Variants in JMJD1C observed in about 807,000 individuals in gnomAD.
The protein encoded by JMJD1C is jumonji domain-containing protein 1C.
A neutral mutation model predicts 245.3 loss-of-function variants in JMJD1C; 31 were observed. That is an observed-to-expected ratio of 0.13 (90% CI 0.09 to 0.17). JMJD1C has a LOEUF of 0.17. JMJD1C is among the 10% of genes least tolerant of loss of function. The probability of loss-of-function intolerance (pLI) is 1.00; values close to 1 mark genes in which losing one functional copy is unlikely to be tolerated. For synonymous variants in JMJD1C, 1,057 were observed against 1,017.4 expected (o/e 1.04, Z -0.74); for missense variants, 2,691 against 3,000.2 (o/e 0.90, Z 2.41).
intron 1 of JMJD1C, among the ~76,000 whole-genome samples, chr10:63,390,330 A>G (rs1947955995): frequency 6.6e-6 from 1 of 152,184 alleles, no homozygotes; most frequent in Non-Finnish European, 1.5e-5. Flanking sequence ...TTGAATCAGG[A>G]AGAAATAGAA....
chr10:63,268,314 G>A (rs1396255318), intron 2 of JMJD1C, among the ~76,000 whole-genome samples: 1 of 148,388 alleles, frequency 6.7e-6, no homozygotes, highest in African/African-American at 2.5e-5. Context: ...TGAAAAACAC[G>A]ATACTGTTAG....
At chr10:63,407,697 T>C (rs1215814110) in intron 1 of JMJD1C, among the ~76,000 whole-genome samples, 3 of 134,100 alleles carry the variant, frequency 2.2e-5, no homozygotes, top group South Asian at 2.3e-4. Context: ...AGGAAGAAAA[T>C]AGACCAAAGA....
At chr10:63,500,746 A>AGGATGGATGAATGGATGGATGGATGGAT in intron 1 of JMJD1C, among the ~76,000 whole-genome samples, 1 of 112,068 alleles carries the variant, frequency 8.9e-6, no homozygotes, top group Non-Finnish European at 2.1e-5. Flanking sequence ...GATGGATGGA[A>AGGATGGATGAATGGATGGATGGATGGAT]GGATGGATGG....
At chr10:63,375,535 CGTGTGTGTGT>C (rs1206144769) in intron 2 of JMJD1C, among the ~76,000 whole-genome samples, 2 of 147,370 alleles carry the variant, frequency 1.4e-5, no homozygotes, top group Non-Finnish European at 3.0e-5. Context: ...AATATTTACA[CGTGTGTGTGT>C]GTGTGTGTGT....
At chr10:63,305,459 C>CACTCTCTCTCTCTCTCTCTCTCTCTCT (rs1937978126) in intron 2 of JMJD1C, among the ~76,000 whole-genome samples, 1 of 113,022 alleles carries the variant, frequency 8.8e-6, no homozygotes, top group Non-Finnish European at 1.8e-5. Context: ...ACGCTCTGAC[C>CACTCTCTCTCTCTCTCTCTCTCTCTCT]CTCTCTCTCT....
At chr10:63,431,048 A>G (rs930452672) in intron 1 of JMJD1C, among the ~76,000 whole-genome samples, 5 of 152,214 alleles carry the variant, frequency 3.3e-5, no homozygotes, top group African/African-American at 1.2e-4. Flanking sequence ...AAAAGTGACA[A>G]TGGCTTAACA....
At chr10:63,321,711 T>C (rs796982037) in intron 2 of JMJD1C, among the ~76,000 whole-genome samples, 3 of 152,352 alleles carry the variant, frequency 2.0e-5, no homozygotes, top group African/African-American at 4.8e-5. Flanking sequence ...CTATCCTGAA[T>C]TGACTCCTCA....
chr10:63,234,174 C>T (rs1434803662), intron 3 of JMJD1C, among the ~76,000 whole-genome samples: 1 of 150,350 alleles, frequency 6.7e-6, no homozygotes, highest in Non-Finnish European at 1.5e-5. Flanking sequence ...TCCAGAGTTA[C>T]GAGAAGTCTA....
intron 3 of JMJD1C, among the ~76,000 whole-genome samples, chr10:63,229,395 T>TG (rs1331145552): frequency 5.9e-5 from 9 of 152,108 alleles, no homozygotes; most frequent in African/African-American, 2.2e-4. Context: ...AGGGTAGCCC[T>TG]GCTCCATGAG....
chr10:63,220,067 G>A lies in JMJD1C; in HGVS notation c.448-84C>T, dbSNP rs1311742470. On this transcript the variant is annotated intron_variant, in intron 3 of 25. Transcript: ENST00000399262. The stretch of plus-strand genomic sequence containing the variant: ...GACTTTCCCTCCTATACGTTCTAAG[G>A]ACTGAATAAAATTCCTTTGATCTAA... 3 of 944,134 alleles carry A rather than the reference G, an allele frequency of 3.2e-6. No individual in the cohort carries two copies. The African/African-American group carries it at 4.9e-5, about 15-fold the overall frequency. The allele number at this position is 944,134 out of a possible 1,614,324, so 58.5% of individuals were successfully genotyped here.
At chr10:63,236,023 T>C (rs1363639468) in intron 3 of JMJD1C, among the ~76,000 whole-genome samples, 1 of 152,208 alleles carries the variant, frequency 6.6e-6, no homozygotes, top group Non-Finnish European at 1.5e-5. Context: ...ATAGATTATA[T>C]AATTTATGAA....
chr10:63,199,222 A>C (rs1273009437), intron 11 of JMJD1C, among the ~76,000 whole-genome samples: 1 of 152,136 alleles, frequency 6.6e-6, no homozygotes, highest in Non-Finnish European at 1.5e-5. Context: ...AATTCTTAAT[A>C]GTTTTATAGG....
intron 3 of JMJD1C, among the ~76,000 whole-genome samples, chr10:63,229,164 C>T (rs982094644): frequency 3.3e-5 from 5 of 151,826 alleles, no homozygotes; most frequent in East Asian, 3.9e-4. Flanking sequence ...TAAATAAATA[C>T]TTTTTTAAAA....
intron 1 of JMJD1C, among the ~76,000 whole-genome samples, chr10:63,460,483 C>A (rs996467237): frequency 6.6e-6 from 1 of 152,170 alleles, no homozygotes; most frequent in Non-Finnish European, 1.5e-5. Flanking sequence ...CACACCACTG[C>A]ACTCCAGCCT....
rs910809537 is a variant in JMJD1C at position 63,189,364 on chromosome 10, T to C, written c.6374A>G (p.Lys2125Arg). Residue 2125 changes from lysine (K) to arginine (R), a missense_variant, in exon 18 of 26, where the codon AAA becomes AGA. Coordinates refer to ENST00000399262, the MANE Select transcript of JMJD1C (RefSeq NM_032776.3). ...SVVENKIPPS[K>R]TSKINVKPEL... ...TGGTTTTACATTTATCTTGGAGGTT[T>C]TACTTGGTGGAATTTTGTTTTCAAC... 2 of 1,613,888 alleles carry C rather than the reference T, an allele frequency of 1.2e-6. No individual in the cohort carries two copies. The highest frequency in any genetic ancestry group is 3.3e-5 in the Admixed American group (2 of 60,024).
chr10:63,495,273 A>C (rs988099593), intron 1 of JMJD1C, among the ~76,000 whole-genome samples: 3 of 148,320 alleles, frequency 2.0e-5, no homozygotes, highest in Non-Finnish European at 4.5e-5. Flanking sequence ...GGATTATCTC[A>C]AAAAAAAAAG....
chr10:63,291,213 C>G (rs992174299), intron 2 of JMJD1C, among the ~76,000 whole-genome samples: 2 of 145,046 alleles, frequency 1.4e-5, no homozygotes, highest in African/African-American at 5.2e-5. Context: ...GAGGCTGAGG[C>G]AGGAGAATCG....
chr10:63,291,951 GTA>G (rs761795095), intron 2 of JMJD1C, among the ~76,000 whole-genome samples: 2 of 151,956 alleles, frequency 1.3e-5, no homozygotes, highest in South Asian at 2.1e-4. Flanking sequence ...TGTGTGTGTT[GTA>G]TGTGTGTGTG....
At chr10:63,432,148 C>T (rs1354464882) in intron 1 of JMJD1C, among the ~76,000 whole-genome samples, 2 of 152,192 alleles carry the variant, frequency 1.3e-5, no homozygotes, top group Non-Finnish European at 2.9e-5. Context: ...TTCTGGCAAA[C>T]TCTCCTCACT....
Sources: gnomAD v4.1 joint callset for allele counts (sites outside exome capture counted in the v4.1 genomes callset) on GRCh38, gnomAD v4.1.1 for gene constraint, MANE v1.5 for transcripts, NCBI Gene and HGNC (gene_info 2026-07-23, HGNC 2026-07-21) for gene names.